HEMK2: variants seen among roughly 807,000 people sequenced by gnomAD.
HEMK2 encodes the protein HemK methyltransferase 2, ETF1 glutamine and histone H4 lysine.
At chr21:28,715,759 C>T in the HEMK2 span, among the ~76,000 whole-genome samples, 81,626 of 151,878 alleles carry the variant, frequency 0.54, 23,928 homozygotes, top group East Asian at 0.84. Flanking sequence ...TCTTCTACCA[C>T]GTTTATAGTT....
the HEMK2 span, among the ~76,000 whole-genome samples, chr21:28,883,329 C>T: frequency 6.6e-6 from 1 of 152,104 alleles, no homozygotes; most frequent in Non-Finnish European, 1.5e-5. Flanking sequence ...CAGTTAATTT[C>T]AACAAACCAT....
chr21:28,762,957 C>A, the HEMK2 span, among the ~76,000 whole-genome samples: 24 of 152,254 alleles, frequency 1.6e-4, no homozygotes, highest in African/African-American at 5.8e-4. Flanking sequence ...AGCTAGCGAA[C>A]CAATTTCAGC....
the HEMK2 span, among the ~76,000 whole-genome samples, chr21:28,580,876 G>A: frequency 3.3e-5 from 5 of 152,070 alleles, no homozygotes; most frequent in Non-Finnish European, 5.9e-5. Context: ...AAAAATCCTG[G>A]GAAATCATGG....
the HEMK2 span, among the ~76,000 whole-genome samples, chr21:28,648,960 G>A: frequency 7.5e-6 from 1 of 134,156 alleles, no homozygotes. Flanking sequence ...AACAGGCCCT[G>A]GTGTGTGATG....
At chr21:28,751,006 G>A in the HEMK2 span, among the ~76,000 whole-genome samples, 26 of 152,132 alleles carry the variant, frequency 1.7e-4, no homozygotes, top group South Asian at 6.2e-4. Context: ...CGAGGCGGGC[G>A]GATCACAAGG....
the HEMK2 span, among the ~76,000 whole-genome samples, chr21:28,642,451 G>A: frequency 0.02 from 3,089 of 152,250 alleles, 90 homozygotes; most frequent in African/African-American, 0.071. Flanking sequence ...CAGGCTCTAC[G>A]CAGGCCCAGC....
the HEMK2 span, among the ~76,000 whole-genome samples, chr21:28,682,508 T>C: frequency 1.3e-5 from 2 of 151,748 alleles, no homozygotes; most frequent in Admixed American, 1.3e-4. Flanking sequence ...TCCTCAGGGA[T>C]CTAGAACTAG....
chr21:28,821,755 T>A, the HEMK2 span, among the ~76,000 whole-genome samples: 1 of 152,242 alleles, frequency 6.6e-6, no homozygotes, highest in Admixed American at 6.5e-5. Context: ...ATCTGTTTGC[T>A]GCTAGAATAT....
the HEMK2 span, among the ~76,000 whole-genome samples, chr21:28,711,598 G>C: frequency 6.6e-6 from 1 of 152,156 alleles, no homozygotes; most frequent in African/African-American, 2.4e-5. Context: ...AGAGGAGGGG[G>C]CTGATAGGAA....
At chr21:28,599,730 C>T in the HEMK2 span, among the ~76,000 whole-genome samples, 7 of 152,198 alleles carry the variant, frequency 4.6e-5, no homozygotes, top group Admixed American at 1.3e-4. Context: ...AGGCACACCC[C>T]TTCCACCTAT....
At chr21:28,638,713 G>A in the HEMK2 span, among the ~76,000 whole-genome samples, 1 of 152,132 alleles carries the variant, frequency 6.6e-6, no homozygotes, top group Non-Finnish European at 1.5e-5. Context: ...CTGGCAAATT[G>A]TCTGGCAGCT....
At chr21:28,820,767 A>G in the HEMK2 span, among the ~76,000 whole-genome samples, 6 of 152,148 alleles carry the variant, frequency 3.9e-5, no homozygotes, top group Admixed American at 6.6e-5. Flanking sequence ...TTGGGTTACT[A>G]TATTTCTGGC....
At chr21:28,850,294 G>A in the HEMK2 span, among the ~76,000 whole-genome samples, 265 of 138,552 alleles carry the variant, frequency 1.9e-3, 2 homozygotes, top group African/African-American at 6.4e-3. Flanking sequence ...GCGCAATCTC[G>A]GCTCACTGCA....
the HEMK2 span, among the ~76,000 whole-genome samples, chr21:28,735,510 T>A: frequency 6.6e-6 from 1 of 152,180 alleles, no homozygotes; most frequent in Non-Finnish European, 1.5e-5. Context: ...AGTCAGGGTA[T>A]GTCAAGTTCT....
the HEMK2 span, among the ~76,000 whole-genome samples, chr21:28,643,505 C>G: frequency 6.6e-6 from 1 of 152,078 alleles, no homozygotes; most frequent in Non-Finnish European, 1.5e-5. Flanking sequence ...TAGAAAGACC[C>G]CTTCTCTAGA....
chr21:28,675,311 A>T, the HEMK2 span, among the ~76,000 whole-genome samples: 1 of 152,240 alleles, frequency 6.6e-6, no homozygotes, highest in Non-Finnish European at 1.5e-5. Flanking sequence ...ATCCTAAAAG[A>T]TAATAAATGA....
At chr21:28,729,074 C>G in the HEMK2 span, among the ~76,000 whole-genome samples, 33 of 152,200 alleles carry the variant, frequency 2.2e-4, no homozygotes, top group Non-Finnish European at 5.9e-5. Flanking sequence ...GCAAAGGGCA[C>G]CCAAATACTT....
chr21:28,752,964 T>C, the HEMK2 span, among the ~76,000 whole-genome samples: 1 of 152,194 alleles, frequency 6.6e-6, no homozygotes, highest in Admixed American at 6.5e-5. Flanking sequence ...CTTGGCATCA[T>C]GAACCACGAA....
chr21:28,622,403 C>T, the HEMK2 span, among the ~76,000 whole-genome samples: 2 of 152,122 alleles, frequency 1.3e-5, no homozygotes, highest in East Asian at 3.9e-4. Context: ...GGCCATACTA[C>T]CCAAAGTAAT....
Sources: allele counts gnomAD v4.1 joint callset (sites outside exome capture counted in the v4.1 genomes callset), GRCh38; gene constraint gnomAD v4.1.1; transcripts MANE v1.5; gene names NCBI Gene and HGNC (gene_info 2026-07-23, HGNC 2026-07-21).